Variants in MACROD1 observed in about 807,000 individuals in gnomAD.
MACROD1 encodes mono-ADP ribosylhydrolase 1.
In MACROD1, 31 loss-of-function variants were observed where a neutral mutation model predicts 41.4. The ratio of observed to expected loss-of-function variants is 0.75; its 90% CI spans 0.56 to 1.01. The LOEUF (loss-of-function observed/expected upper bound fraction) is 1.01. Ranked by LOEUF, MACROD1 falls within the 50% of genes least tolerant of loss-of-function variation. The pLI is 0.00. For missense variants in MACROD1, 473 were observed against 460.0 expected (o/e 1.03, Z -0.26); for synonymous variants, 252 against 203.4 (o/e 1.24, Z -2.03).
chr11:64,112,349 C>T (rs538215978), intron 3 of MACROD1, among the ~76,000 whole-genome samples: 2 of 152,066 alleles, frequency 1.3e-5, no homozygotes, highest in Non-Finnish European at 2.9e-5. Context: ...CCCGTCTCTA[C>T]TAAAAATACA....
At chr11:64,059,985 C>T (rs1376796720) in intron 3 of MACROD1, among the ~76,000 whole-genome samples, 2 of 152,114 alleles carry the variant, frequency 1.3e-5, no homozygotes, top group Admixed American at 6.5e-5. Context: ...TACTGAGGGC[C>T]GGGAAGGGCG....
At chr11:64,152,419 G>C in intron 1 of MACROD1, 26 bp from the exon 2 acceptor site, 1 of 1,586,880 alleles carries the variant, frequency 6.3e-7, no homozygotes, top group Non-Finnish European at 8.7e-7. Flanking sequence ...GGAGGATCAG[G>C]GTGGGGGCAG....
chr11:64,005,819 G>T (rs1384713867), intron 4 of MACROD1, among the ~76,000 whole-genome samples: 1 of 152,250 alleles, frequency 6.6e-6, no homozygotes, highest in Non-Finnish European at 1.5e-5. Flanking sequence ...CAGGCAGGAG[G>T]GCTGGAGACA....
intron 3 of MACROD1, among the ~76,000 whole-genome samples, chr11:64,020,039 G>A (rs1202220339): frequency 1.3e-5 from 2 of 152,158 alleles, no homozygotes; most frequent in South Asian, 2.1e-4. Context: ...ACACTTTTAG[G>A]GGCCCACAAA....
At chr11:64,046,925 G>T (rs1943595096) in intron 3 of MACROD1, among the ~76,000 whole-genome samples, 1 of 152,166 alleles carries the variant, frequency 6.6e-6, no homozygotes, top group South Asian at 2.1e-4. Context: ...GTCAAGTCAC[G>T]CACTAGCTCT....
chr11:64,035,992 C>G (rs1051628286), intron 3 of MACROD1: 19 of 150,312 alleles, frequency 1.3e-4, no homozygotes, highest in Non-Finnish European at 2.2e-4. Context: ...GCGCGCCCCC[C>G]GCTCCGGGCC....
At chr11:64,150,091 T>C (rs188945850) in intron 3 of MACROD1, among the ~76,000 whole-genome samples, 36 of 152,326 alleles carry the variant, frequency 2.4e-4, no homozygotes, top group African/African-American at 6.7e-4. Flanking sequence ...CCCATATGAC[T>C]ATCCAGCTTT....
At position 64,165,935 on chromosome 11, in the gene MACROD1, C is replaced by G; in HGVS notation, c.60G>C (p.Leu20=). Residue 20 remains leucine (L), a synonymous_variant, in exon 1 of 11, where the codon CTG becomes CTC. Transcript: ENST00000255681. ...RLAQLRAAGQ[L]LVPPRPRPGH... ...CGGGCCGGGGGCGCGGGGGGACGAGCAGCTGCCCCGCCGCGCGCAGCTGTG... is the reference window on the plus strand; with the variant it reads ...CGGGCCGGGGGCGCGGGGGGACGAGGAGCTGCCCCGCCGCGCGCAGCTGTG... 1 of 1,322,562 alleles carries G rather than the reference C, an allele frequency of 7.6e-7. No homozygotes were observed. The highest frequency in any genetic ancestry group is 2.2e-5 in the South Asian group (1 of 45,820). 81.9% of individuals were successfully genotyped at this position (1,322,562 alleles called of 1,614,324 possible).
chr11:64,043,680 A>G (rs1943531415), intron 3 of MACROD1, among the ~76,000 whole-genome samples: 1 of 152,230 alleles, frequency 6.6e-6, no homozygotes, highest in African/African-American at 2.4e-5. Flanking sequence ...CATATTTCAT[A>G]GAGCACCATG....
chr11:64,069,186 C>G (rs1018967250), intron 3 of MACROD1, among the ~76,000 whole-genome samples: 8 of 152,220 alleles, frequency 5.3e-5, no homozygotes, highest in African/African-American at 1.9e-4. Flanking sequence ...GGGAGCAGAG[C>G]AGGAGGGCCA....
At position 64,108,632 on chromosome 11, in the gene MACROD1, T is replaced by C. The variant is rs1331721593; in HGVS notation, c.517+42607A>G. 2.0e-5 allele frequency among the ~76,000 whole-genome samples: 3 copies of C among 152,172 alleles called. No individual in the cohort carries two copies. In the East Asian group the frequency reaches 5.8e-4, roughly 29 times the overall value. On this transcript the variant is annotated intron_variant, in intron 3 of 10. Coordinates refer to ENST00000255681, the MANE Select transcript of MACROD1 (RefSeq NM_014067.4). ...TGCCTTGGTAGGGCTTCCTGTCTAGTGGGAGGTGGGACTGGGGTCCCACTG... is the reference window on the plus strand; with the variant it reads ...TGCCTTGGTAGGGCTTCCTGTCTAGCGGGAGGTGGGACTGGGGTCCCACTG...
chr11:64,029,987 G>T (rs955523874), intron 3 of MACROD1, among the ~76,000 whole-genome samples: 1 of 152,166 alleles, frequency 6.6e-6, no homozygotes, highest in Non-Finnish European at 1.5e-5. Context: ...CATGAGAGAA[G>T]CCTGGCCACC....
chr11:64,035,223 C>T (rs1029974583), intron 3 of MACROD1, among the ~76,000 whole-genome samples: 15 of 152,122 alleles, frequency 9.9e-5, no homozygotes, highest in South Asian at 4.2e-4. Context: ...CTGGCACTGC[C>T]CCCTTAATAG....
intron 3 of MACROD1, among the ~76,000 whole-genome samples, chr11:64,041,198 G>GAAAAAA (rs1943477686): frequency 5.3e-5 from 1 of 18,958 alleles, no homozygotes; most frequent in African/African-American, 4.6e-4. Context: ...TTAGCAAACT[G>GAAAAAA]TAAAAAAAAA....
rs770159437 is a variant in MACROD1 at position 64,117,405 on chromosome 11, G to A, written c.517+33834C>T. ...TACCAGCGAGATGGACGAGTGTTTT[G>A]AGACGGGGCCGCAGGGCGGCGTGGC... On this transcript the variant is annotated intron_variant, in intron 3 of 10. Transcript: ENST00000255681. 7 of 1,612,168 alleles carry A rather than the reference G, an allele frequency of 4.3e-6. No individual in the cohort carries two copies. In the Admixed American group the frequency reaches 1.2e-4, roughly 27 times the overall value.
At chr11:64,011,634 G>A (rs778982081) in intron 4 of MACROD1, among the ~76,000 whole-genome samples, 6 of 151,990 alleles carry the variant, frequency 3.9e-5, no homozygotes, top group African/African-American at 7.3e-5. Flanking sequence ...AACACAAAAC[G>A]CAAGCAGGGA....
At chr11:64,126,153 T>C (rs952588812) in intron 3 of MACROD1, among the ~76,000 whole-genome samples, 1 of 151,958 alleles carries the variant, frequency 6.6e-6, no homozygotes, top group Non-Finnish European at 1.5e-5. Context: ...CCTTAGGCTG[T>C]TTTTCCCCAA....
chr11:63,999,726 C>A lies in MACROD1; in HGVS notation c.702G>T (p.Glu234Asp). ...GCTCGGCAGCCTGACTGGCGCTGGG[C>A]TCCCCGTAGGCGATGGGCCCCACTG... The part of the protein sequence containing the change: ...IHTVGPIAYG[E>D]PSASQAAELR... The change falls in exon 6 of 11, where the codon GAG (glutamate) becomes GAT (aspartate). Residue 234 changes from glutamate (E) to aspartate (D), a missense_variant. Transcript: ENST00000255681. 1.2e-6 allele frequency: 2 copies of A among 1,608,112 alleles called. No homozygotes were observed. Among genetic ancestry groups the A allele is most frequent in the Non-Finnish European group, 1.7e-6 (2 of 1,179,482 alleles).
chr11:64,062,787 C>T (rs1350383916), intron 3 of MACROD1, among the ~76,000 whole-genome samples: 1 of 152,100 alleles, frequency 6.6e-6, no homozygotes, highest in Non-Finnish European at 1.5e-5. Flanking sequence ...GTCTGGGGTG[C>T]CTGGCTTTAT....
Sources: allele counts gnomAD v4.1 joint callset (sites outside exome capture counted in the v4.1 genomes callset), GRCh38; gene constraint gnomAD v4.1.1; transcripts MANE v1.5; gene names NCBI Gene and HGNC (gene_info 2026-07-23, HGNC 2026-07-21).